Variants in ABCC1 observed in about 807,000 individuals in gnomAD.
ABCC1 encodes the protein ATP binding cassette subfamily C member 1 (ABCC1 blood group), also known as multidrug resistance-associated protein 1.
Under a neutral mutation model 172.9 loss-of-function variants are expected in ABCC1, and 83 were observed. The observed-to-expected ratio is 0.48, with a 90% CI of 0.40 to 0.58. The LOEUF (loss-of-function observed/expected upper bound fraction) is 0.58, where lower values mean the gene tolerates loss of function less well. Ranked by LOEUF, ABCC1 falls within the 20% of genes least tolerant of loss-of-function variation. The pLI is 0.00. For synonymous variants in ABCC1, 937 were observed against 825.2 expected, an observed-to-expected ratio of 1.14 and a Z score of -2.32; for missense variants, 1,817 against 2,002.7, an observed-to-expected ratio of 0.91 and a Z score of 1.77.
At chr16:16,077,854 C>T (rs1333433042) in intron 15 of ABCC1, among the ~76,000 whole-genome samples, 3 of 152,290 alleles carry the variant, frequency 2.0e-5, no homozygotes, top group Admixed American at 6.5e-5. Flanking sequence ...GAAACCCTGT[C>T]ACTACTAAAA....
In ABCC1 at chr16:16,039,243, G is replaced by A. The variant is rs374039174; in HGVS notation, c.809+2640G>A. On this transcript the variant is annotated intron_variant, in intron 7 of 30. Transcript: ENST00000399410. ...TGTGTGTGTGTGTGTGTATGTATGT[G>A]TGTGTGTGTGTGTGTGTGTTTTCTT... is the stretch of plus-strand genomic sequence containing the variant. Among the ~76,000 whole-genome samples the A allele has an allele frequency of 6.2e-3, 691 of 111,288 alleles. 1 individual carries two copies. Among genetic ancestry groups the A allele is most frequent in the Middle Eastern group, 0.011 (2 of 184 alleles). The allele number at this position is 111,288 out of a possible 152,430, so 73.0% of individuals were successfully genotyped here.
chr16:16,045,754 G>C, intron 8 of ABCC1, 82 bp from the exon 9 acceptor site: 1 of 1,371,452 alleles, frequency 7.3e-7, no homozygotes, highest in South Asian at 1.3e-5. Context: ...TCAGGAGAAA[G>C]TTGCAGTGCC....
At chr16:16,110,179 C>T (rs1447270470) in intron 21 of ABCC1, among the ~76,000 whole-genome samples, 1 of 151,710 alleles carries the variant, frequency 6.6e-6, no homozygotes, top group Non-Finnish European at 1.5e-5. Context: ...TGGCTTGGTG[C>T]AACCTCCACC....
At chr16:16,114,729 C>G (rs769880231) in intron 22 of ABCC1, 37 bp from the exon 23 acceptor site, 8 of 1,553,192 alleles carry the variant, frequency 5.2e-6, no homozygotes, top group African/African-American at 1.3e-5. Context: ...TCAGCTCCCT[C>G]TCTGCATTGT....
chr16:16,059,152 T>C (rs1485985830), intron 12 of ABCC1, among the ~76,000 whole-genome samples: 1 of 152,166 alleles, frequency 6.6e-6, no homozygotes, highest in Non-Finnish European at 1.5e-5. Flanking sequence ...AGCCATGGCA[T>C]CACCTGGTGC....
At chr16:16,087,039 G>A (rs45573034) in intron 18 of ABCC1, 48 bp downstream of exon 18, 22,735 of 1,607,002 alleles carry the variant, frequency 0.014, 241 homozygotes, top group African/African-American at 0.04. Context: ...CTCGCCCTTT[G>A]GTTAAGTCAG....
chr16:16,009,886 C>G lies in ABCC1; in HGVS notation c.336C>G (p.Leu112=). The part of the protein sequence containing the change: ...LAPVFLVSPT[L]LGITMLLATF... The stretch of plus-strand genomic sequence containing the variant: ...CAGTGTTTCTGGTCAGCCCAACTCT[C>G]TTGGGCATCACCATGGTAAGTAGGA... Residue 112 remains leucine, a synonymous_variant, in exon 3 of 31, where the codon CTC becomes CTG. Coordinates refer to ENST00000399410, the MANE Select transcript of ABCC1 (RefSeq NM_004996.4). 6.2e-7 allele frequency: 1 copy of G among 1,605,408 alleles called. No individual in the cohort carries two copies. Among genetic ancestry groups the G allele is most frequent in the Non-Finnish European group, 8.5e-7 (1 of 1,176,282 alleles).
rs973158304 is a variant in ABCC1, at chr16:16,079,548, G to A, written c.2115+70G>A. On this transcript the variant is annotated intron_variant, in intron 16 of 30. Transcript: ENST00000399410. ...TCTGAGGAAAAGCTCAGAAATGATG[G>A]TGTTTCTTTTGACTGTCCCTGTGCC... The A allele has an allele frequency of 1.9e-6, 3 of 1,546,814 alleles. No individual in the cohort carries two copies. The Admixed American group carries it at 5.8e-5, about 30-fold the overall frequency.
At chr16:16,015,026 G>A (rs1463582618) in intron 4 of ABCC1, among the ~76,000 whole-genome samples, 3 of 152,130 alleles carry the variant, frequency 2.0e-5, no homozygotes, top group African/African-American at 7.2e-5. Flanking sequence ...GGGGACCCTA[G>A]GCTTGTCCTC....
At chr16:15,975,520 T>C (rs948617911) in intron 1 of ABCC1, among the ~76,000 whole-genome samples, 7 of 151,486 alleles carry the variant, frequency 4.6e-5, no homozygotes, top group African/African-American at 1.7e-4. Context: ...TTTAATCACC[T>C]TTTATTTATG....
intron 1 of ABCC1, among the ~76,000 whole-genome samples, chr16:15,994,275 G>A (rs1488242109): frequency 6.6e-6 from 1 of 152,134 alleles, no homozygotes. Flanking sequence ...TCAAGCACGT[G>A]GTTTAGAGGT....
chr16:16,140,944 C>T (rs938476874), intron 30 of ABCC1, among the ~76,000 whole-genome samples: 1 of 152,218 alleles, frequency 6.6e-6, no homozygotes, highest in African/African-American at 2.4e-5. Flanking sequence ...ATACCATTCA[C>T]ACCATGATTG....
At chr16:16,032,135 C>G (rs921434484) in intron 5 of ABCC1, among the ~76,000 whole-genome samples, 1 of 152,102 alleles carries the variant, frequency 6.6e-6, no homozygotes, top group African/African-American at 2.4e-5. Flanking sequence ...GAACTACAGG[C>G]GCCTGCCACC....
intron 10 of ABCC1, among the ~76,000 whole-genome samples, chr16:16,049,928 A>T (rs1457595065): frequency 2.0e-5 from 3 of 152,082 alleles, no homozygotes; most frequent in Admixed American, 1.3e-4. Flanking sequence ...TCCTGGCCTC[A>T]GGTGATCTAC....
At chr16:15,962,518 C>T (rs759875248) in intron 1 of ABCC1, among the ~76,000 whole-genome samples, 4 of 152,114 alleles carry the variant, frequency 2.6e-5, no homozygotes, top group South Asian at 2.1e-4. Context: ...CCTGAGACTG[C>T]GTAGTTTATA....
At chr16:16,134,164 C>T (rs2045820370) in intron 27 of ABCC1, among the ~76,000 whole-genome samples, 186 bp from the exon 28 acceptor site, 1 of 152,122 alleles carries the variant, frequency 6.6e-6, no homozygotes, top group African/African-American at 2.4e-5. Context: ...GAAGAGAGTC[C>T]TTCTTGACCT....
chr16:16,008,065 C>T, intron 2 of ABCC1, 73 bp downstream of exon 2: 1 of 1,408,838 alleles, frequency 7.1e-7, no homozygotes, highest in Non-Finnish European at 9.7e-7. Flanking sequence ...TTGGTGATAA[C>T]TGACATTTCT....
At chr16:16,106,941 T>C (rs2052148348) in intron 21 of ABCC1, 68 bp downstream of exon 21, 1 of 1,591,636 alleles carries the variant, frequency 6.3e-7, no homozygotes, top group African/African-American at 1.3e-5. Flanking sequence ...CACTGGGCAC[T>C]GTGCAAAGTG....
At position 16,131,935 on chromosome 16, in the gene ABCC1, G is replaced by A; in HGVS notation, c.3966G>A (p.Lys1322=). Residue 1322 remains lysine, a splice_region_variant and synonymous_variant, in exon 27 of 31, where the codon AAG becomes AAA. Transcript: ENST00000399410. ...ATGTCACGATCAATGGGGGAGAAAA[G>A]GTGGGTACACATCGCCCCATTCCCT... ...HINVTINGGE[K]VGIVGRTGAG... The A allele has an allele frequency of 6.2e-7, 1 of 1,613,634 alleles. No individual in the cohort carries two copies. Among genetic ancestry groups the A allele is most frequent in the Non-Finnish European group, 8.5e-7 (1 of 1,179,780 alleles).
Sources: gnomAD v4.1 joint callset for allele counts (sites outside exome capture counted in the v4.1 genomes callset) on GRCh38, gnomAD v4.1.1 for gene constraint, MANE v1.5 for transcripts, NCBI Gene and HGNC (gene_info 2026-07-23, HGNC 2026-07-21) for gene names.